PCMTD1: variants seen among roughly 807,000 people sequenced by gnomAD.
PCMTD1 encodes the protein protein-L-isoaspartate O-methyltransferase domain-containing protein 1.
Under a neutral mutation model 37.6 loss-of-function variants are expected in PCMTD1, and 12 were observed. That is an observed-to-expected ratio of 0.32 (90% CI 0.20 to 0.52). PCMTD1 has a LOEUF of 0.52. Ranked by LOEUF, PCMTD1 falls within the 20% of genes least tolerant of loss-of-function variation. PCMTD1 has a pLI of 0.97. For missense variants in PCMTD1, 235 were observed against 421.3 expected, an observed-to-expected ratio of 0.56 and a Z score of 3.87; for synonymous variants, 117 against 135.8, an observed-to-expected ratio of 0.86 and a Z score of 0.96.
intron 3 of PCMTD1, 115 bp from the exon 4 acceptor site, chr8:51,833,804 AATG>A (rs968085376): frequency 1.1e-5 from 7 of 650,848 alleles, no homozygotes; most frequent in East Asian, 6.0e-5. Context: ...ATAAGGATAA[AATG>A]ATTATAAACT....
intron 3 of PCMTD1, among the ~76,000 whole-genome samples, chr8:51,833,996 C>T (rs1052803063): frequency 2.2e-4 from 34 of 152,104 alleles, no homozygotes; most frequent in African/African-American, 7.0e-4. Flanking sequence ...TATTGTGACA[C>T]CCCCCAAAAT....
chr8:51,879,502 T>C (rs1261487153), intron 1 of PCMTD1, among the ~76,000 whole-genome samples: 7 of 152,216 alleles, frequency 4.6e-5, no homozygotes, highest in African/African-American at 1.2e-4. Context: ...GGAATTCATA[T>C]ATAAATCAGG....
chr8:51,855,190 C>T (rs904543041), intron 2 of PCMTD1, among the ~76,000 whole-genome samples: 1 of 90,800 alleles, frequency 1.1e-5, no homozygotes, highest in Non-Finnish European at 2.3e-5. Flanking sequence ...AAAAAAAAAA[C>T]AAACAAAAAA....
intron 3 of PCMTD1, among the ~76,000 whole-genome samples, chr8:51,836,559 CATTT>C (rs2038069655): frequency 6.6e-6 from 1 of 151,898 alleles, no homozygotes; most frequent in African/African-American, 2.4e-5. Context: ...CCTCAAAATA[CATTT>C]ATTAAATAAA....
rs934237455 is a variant in PCMTD1, at chr8:51,820,077, A to G, written c.*274T>C. On this transcript the variant is annotated 3_prime_UTR_variant, in exon 6 of 6. Transcript: ENST00000522514. ...TCTGTAAGGAATCAGAAAAGGATTTATAGTACACAAGTCTTGACTACTGTT... is the reference window on the plus strand; with the variant it reads ...TCTGTAAGGAATCAGAAAAGGATTTGTAGTACACAAGTCTTGACTACTGTT... The G allele has an allele frequency of 1.3e-5, 3 of 229,634 alleles. No individual in the cohort carries two copies. The highest frequency in any genetic ancestry group is 6.8e-5 in the African/African-American group (3 of 44,058). 14.2% of individuals were successfully genotyped at this position (229,634 alleles called of 1,614,324 possible).
At chr8:51,827,428 G>A in intron 5 of PCMTD1, 1 of 507,172 alleles carries the variant, frequency 2.0e-6, no homozygotes, top group Non-Finnish European at 3.6e-6. Context: ...GAGCTGTTCT[G>A]AGTAGTGTAG....
chr8:51,834,733 C>T (rs2038044015), intron 3 of PCMTD1, among the ~76,000 whole-genome samples: 1 of 152,122 alleles, frequency 6.6e-6, no homozygotes, highest in East Asian at 1.9e-4. Context: ...AGACTTATTA[C>T]ACAATAAGTT....
At chr8:51,845,367 A>C (rs2038202834) in intron 3 of PCMTD1, 1 of 250,170 alleles carries the variant, frequency 4.0e-6, no homozygotes, top group African/African-American at 2.2e-5. Flanking sequence ...CAAATATTGC[A>C]ATCACAGCAT....
chr8:51,830,477 G>A (rs1040649217), intron 5 of PCMTD1, among the ~76,000 whole-genome samples: 10 of 152,100 alleles, frequency 6.6e-5, no homozygotes, highest in African/African-American at 2.2e-4. Context: ...TAGCCTCAAG[G>A]GAAAATGAAT....
At position 51,834,405 on chromosome 8, in the gene PCMTD1, G is replaced by A. The variant is rs1484098537; in HGVS notation, c.411-716C>T. On this transcript the variant is annotated intron_variant, in intron 3 of 5. Coordinates refer to ENST00000522514, the MANE Select transcript of PCMTD1 (RefSeq NM_052937.4). The stretch of plus-strand genomic sequence containing the variant: ...GTAATAGTGTTGGTTCATGGTACAC[G>A]GAGTTATGCTTTTACAAACTATCCT... 3.9e-5 allele frequency among the ~76,000 whole-genome samples: 6 copies of A among 152,038 alleles called. No homozygotes were observed. In the South Asian group the frequency reaches 8.3e-4, roughly 21 times the overall value.
intron 3 of PCMTD1, among the ~76,000 whole-genome samples, chr8:51,840,689 G>T (rs1157950839): frequency 1.3e-5 from 2 of 151,970 alleles, no homozygotes. Context: ...TGTGAAAAAT[G>T]AACACATAAT....
intron 1 of PCMTD1, among the ~76,000 whole-genome samples, chr8:51,867,094 T>C (rs147131811): frequency 2.6e-5 from 4 of 151,952 alleles, no homozygotes; most frequent in African/African-American, 7.2e-5. Flanking sequence ...CCAACACATA[T>C]GAAAAAATGG....
chr8:51,833,127 G>A (rs2038019506), intron 4 of PCMTD1, among the ~76,000 whole-genome samples: 2 of 152,210 alleles, frequency 1.3e-5, no homozygotes, highest in Admixed American at 1.3e-4. Context: ...TTACAGGCGT[G>A]AGCCAGCATG....
upstream of PCMTD1, chr8:51,899,050 C>T: frequency 1.3e-6 from 2 of 1,506,220 alleles, no homozygotes; most frequent in East Asian, 2.6e-5. Context: ...GAGGCGGGGC[C>T]CGGACCCGCG....
At chr8:51,863,189 A>G (rs2038499971) in intron 1 of PCMTD1, among the ~76,000 whole-genome samples, 1 of 152,204 alleles carries the variant, frequency 6.6e-6, no homozygotes, top group African/African-American at 2.4e-5. Context: ...TTTCATAAGA[A>G]TAATTCTGAC....
At chr8:51,846,772 T>C (rs555368451) in intron 2 of PCMTD1, among the ~76,000 whole-genome samples, 2 of 152,338 alleles carry the variant, frequency 1.3e-5, no homozygotes, top group South Asian at 2.1e-4. Context: ...CATGTTTGAA[T>C]GTTGAAACAG....
chr8:51,836,437 C>T (rs570912223), intron 3 of PCMTD1, among the ~76,000 whole-genome samples: 1 of 152,178 alleles, frequency 6.6e-6, no homozygotes, highest in African/African-American at 2.4e-5. Context: ...TAAAGAGTTG[C>T]TTCTAATACT....
intron 1 of PCMTD1, 118 bp from the exon 2 acceptor site, chr8:51,861,364 C>A: frequency 1.4e-6 from 1 of 738,318 alleles, no homozygotes; most frequent in Admixed American, 3.3e-5. Flanking sequence ...TATTCTGCTC[C>A]AGCATAGTGT....
intron 1 of PCMTD1, among the ~76,000 whole-genome samples, chr8:51,862,636 G>C (rs1163305198): frequency 6.6e-6 from 1 of 152,134 alleles, no homozygotes; most frequent in Non-Finnish European, 1.5e-5. Context: ...TCCAACTCCT[G>C]ACCATAGAGA....
Sources: allele counts gnomAD v4.1 joint callset (sites outside exome capture counted in the v4.1 genomes callset), GRCh38; gene constraint gnomAD v4.1.1; transcripts MANE v1.5; gene names NCBI Gene and HGNC (gene_info 2026-07-23, HGNC 2026-07-21).